Variants in FAM78B observed in about 807,000 individuals in gnomAD.
FAM78B encodes protein FAM78B.
A neutral mutation model predicts 20.0 loss-of-function variants in FAM78B; 10 were observed. That is an observed-to-expected ratio of 0.50 (90% CI 0.31 to 0.85). The LOEUF is 0.85. FAM78B is among the 40% of genes least tolerant of loss of function. The pLI is 0.05. For missense variants in FAM78B, 283 were observed against 345.0 expected (o/e 0.82, Z 1.42); for synonymous variants, 135 against 132.8 (o/e 1.02, Z -0.12).
chr1:166,157,914 G>A (rs1451139389), intron 1 of FAM78B, among the ~76,000 whole-genome samples: 1 of 152,142 alleles, frequency 6.6e-6, no homozygotes, highest in Non-Finnish European at 1.5e-5. Context: ...AGCATGAAAG[G>A]AGCTTATTCC....
At chr1:166,136,714 G>A (rs182627314) in intron 1 of FAM78B, among the ~76,000 whole-genome samples, 1 of 152,342 alleles carries the variant, frequency 6.6e-6, no homozygotes, top group Admixed American at 6.5e-5. Flanking sequence ...CTCTACCTGA[G>A]GCTCCAGGCT....
chr1:166,111,553 T>A (rs1654059083), intron 1 of FAM78B, among the ~76,000 whole-genome samples: 1 of 152,202 alleles, frequency 6.6e-6, no homozygotes, highest in African/African-American at 2.4e-5. Flanking sequence ...ATATAAAAAG[T>A]CTCTTGCTTT....
At chr1:166,078,874 C>T (rs941647184) in intron 1 of FAM78B, among the ~76,000 whole-genome samples, 35 of 150,762 alleles carry the variant, frequency 2.3e-4, no homozygotes, top group African/African-American at 6.8e-4. Context: ...TTGAAATCTG[C>T]GGCAGTACTA....
chr1:166,104,529 CA>C (rs1439835552), intron 1 of FAM78B, among the ~76,000 whole-genome samples: 1 of 152,178 alleles, frequency 6.6e-6, no homozygotes, highest in South Asian at 2.1e-4. Flanking sequence ...AATCAATGTG[CA>C]AAAATCACAA....
At chr1:166,136,054 T>C (rs964337072) in intron 1 of FAM78B, among the ~76,000 whole-genome samples, 1 of 152,196 alleles carries the variant, frequency 6.6e-6, no homozygotes, top group Admixed American at 6.5e-5. Flanking sequence ...CTAACTTTTT[T>C]CAAACAGTTC....
At chr1:166,155,599 A>T (rs1460842382) in intron 1 of FAM78B, among the ~76,000 whole-genome samples, 2 of 152,196 alleles carry the variant, frequency 1.3e-5, no homozygotes, top group Non-Finnish European at 2.9e-5. Context: ...AAATAACTTC[A>T]ACAGGAGGTT....
At position 166,156,214 on chromosome 1, in the gene FAM78B, C is replaced by T. The variant is rs189147474; in HGVS notation, c.263+9772G>A. ...GCCATCCTTTATTTTGTTTTAATAA[C>T]AAAATGGCCTTATTTATCTTGTTTT... On this transcript the variant is annotated intron_variant, in intron 1 of 1. Coordinates refer to ENST00000354422, the MANE Select transcript of FAM78B (RefSeq NM_001017961.5). Among the ~76,000 whole-genome samples, 368 of 152,352 alleles carry T rather than the reference C, an allele frequency of 2.4e-3. 1 individual carries two copies. Among genetic ancestry groups the T allele is most frequent in the Non-Finnish European group, 4.4e-3 (300 of 68,026 alleles).
chr1:166,115,540 T>G (rs1465968607), intron 1 of FAM78B, among the ~76,000 whole-genome samples: 1 of 152,168 alleles, frequency 6.6e-6, no homozygotes, highest in Non-Finnish European at 1.5e-5. Flanking sequence ...GAGAGGACCC[T>G]GGGTACTTAT....
chr1:166,078,084 T>G (rs1319715688), intron 1 of FAM78B, among the ~76,000 whole-genome samples: 1 of 149,426 alleles, frequency 6.7e-6, no homozygotes, highest in Non-Finnish European at 1.5e-5. Flanking sequence ...CAGGCTGGAG[T>G]GCAGCGGTAT....
At chr1:166,157,193 C>G (rs916779224) in intron 1 of FAM78B, among the ~76,000 whole-genome samples, 2 of 151,992 alleles carry the variant, frequency 1.3e-5, no homozygotes, top group Non-Finnish European at 1.5e-5. Context: ...TCTCCAGAGT[C>G]TGAATGCTTC....
intron 1 of FAM78B, among the ~76,000 whole-genome samples, chr1:166,160,749 T>A (rs1010734965): frequency 2.0e-5 from 3 of 152,268 alleles, no homozygotes; most frequent in African/African-American, 4.8e-5. Flanking sequence ...TTCTTGAACA[T>A]CTGCTATGGG....
intron 1 of FAM78B, among the ~76,000 whole-genome samples, chr1:166,101,721 A>G (rs1490249089): frequency 6.6e-6 from 1 of 152,228 alleles, no homozygotes; most frequent in Non-Finnish European, 1.5e-5. Flanking sequence ...AAAAGACCAA[A>G]TCTACGTCTG....
In FAM78B at chr1:166,166,272, C is replaced by A. The variant is rs1157282976; in HGVS notation, c.-24G>T. ...ATCCTGCAGCCCGGTGCCGGCACGG[C>A]GCGGCGTGGGGCAGCGCGGGGGCCC... On this transcript the variant is annotated 5_prime_UTR_variant, in exon 1 of 2. Coordinates refer to ENST00000354422, the MANE Select transcript of FAM78B (RefSeq NM_001017961.5). 1 of 1,351,478 alleles carries A rather than the reference C, an allele frequency of 7.4e-7. No individual in the cohort carries two copies. 83.7% of individuals were successfully genotyped at this position (1,351,478 alleles called of 1,614,324 possible). A position where few individuals can be genotyped will look rare whatever the true frequency, so the allele number is the denominator to read the frequency against.
At chr1:166,086,695 G>A (rs1474225639) in intron 1 of FAM78B, among the ~76,000 whole-genome samples, 4 of 152,130 alleles carry the variant, frequency 2.6e-5, no homozygotes, top group Non-Finnish European at 4.4e-5. Context: ...AGCTGAGCTG[G>A]GGCAGGAGAT....
intron 1 of FAM78B, among the ~76,000 whole-genome samples, chr1:166,114,410 G>T (rs771085742): frequency 6.6e-6 from 1 of 152,202 alleles, no homozygotes. Context: ...ATCCAGTTTG[G>T]AATAGATGTG....
At chr1:166,077,666 CAT>C (rs1456359274) in intron 1 of FAM78B, among the ~76,000 whole-genome samples, 13 of 131,656 alleles carry the variant, frequency 9.9e-5, no homozygotes, top group Non-Finnish European at 1.6e-4. Context: ...ATAATAAATA[CAT>C]ATAATTATAT....
chr1:166,084,804 C>T (rs1173010192), intron 1 of FAM78B, among the ~76,000 whole-genome samples: 1 of 152,186 alleles, frequency 6.6e-6, no homozygotes, highest in African/African-American at 2.4e-5. Context: ...ACCTGCGCAT[C>T]AGGTGGTGGA....
chr1:166,109,840 GTATATATA>G lies in FAM78B; in HGVS notation c.264-39085_264-39078del, dbSNP rs1300124049. On this transcript the variant is annotated intron_variant, in intron 1 of 1. Coordinates refer to ENST00000354422, the MANE Select transcript of FAM78B (RefSeq NM_001017961.5). ...TATATATATATATATATGTATATAT[GTATATATA>G]TATATATATATATGTATGTGTATAT... 1.5e-4 allele frequency among the ~76,000 whole-genome samples: 4 copies of G among 25,924 alleles called. 1 individual carries two copies. In the East Asian group the frequency reaches 4.6e-3, roughly 30 times the overall value. 17.0% of individuals were successfully genotyped at this position (25,924 alleles called of 152,430 possible). A position where few individuals can be genotyped will look rare whatever the true frequency, so the allele number is the denominator to read the frequency against.
At chr1:166,134,446 T>C (rs1314709354) in intron 1 of FAM78B, among the ~76,000 whole-genome samples, 2 of 151,992 alleles carry the variant, frequency 1.3e-5, no homozygotes, top group Non-Finnish European at 2.9e-5. Flanking sequence ...GAGTACCCCC[T>C]AGCTTTTCCA....
Sources: allele counts gnomAD v4.1 joint callset (sites outside exome capture counted in the v4.1 genomes callset), GRCh38; gene constraint gnomAD v4.1.1; transcripts MANE v1.5; gene names NCBI Gene and HGNC (gene_info 2026-07-23, HGNC 2026-07-21).